Variants in POLR3B observed in about 807,000 individuals in gnomAD.
POLR3B encodes DNA-directed RNA polymerase III subunit RPC2.
Under a neutral mutation model 147.4 loss-of-function variants are expected in POLR3B, and 96 were observed. The ratio of observed to expected loss-of-function variants is 0.65; its 90% CI spans 0.55 to 0.77. The LOEUF is 0.77. Among genes scored for constraint, POLR3B ranks in the 30% least tolerant of loss-of-function variants. The pLI is 0.00. For missense variants in POLR3B, 1,036 were observed against 1,413.5 expected (o/e 0.73, Z 4.28); for synonymous variants, 461 against 485.9 (o/e 0.95, Z 0.67).
In POLR3B at chr12:106,509,585, T is replaced by TA; in HGVS notation, c.*37dup. On this transcript the variant is annotated 3_prime_UTR_variant, in exon 28 of 28. Transcript: ENST00000228347. ...AATGATTATTAAAGAGAACAAGTGA[T>TA]ACATCCAATGCAACGGAAAGCAGAA... 1 of 1,584,364 alleles carries TA rather than the reference T, an allele frequency of 6.3e-7. No homozygotes were observed. The highest frequency in any genetic ancestry group is 8.7e-7 in the Non-Finnish European group (1 of 1,155,068).
At chr12:106,496,300 G>C (rs747416855) in intron 24 of POLR3B, 142 bp downstream of exon 24, 5 of 716,250 alleles carry the variant, frequency 7.0e-6, no homozygotes, top group African/African-American at 1.7e-5. Flanking sequence ...AGATAAACAG[G>C]CTTCCAGCCC....
At chr12:106,489,743 C>G (rs1429000082) in intron 23 of POLR3B, among the ~76,000 whole-genome samples, 2 of 152,118 alleles carry the variant, frequency 1.3e-5, no homozygotes, top group Non-Finnish European at 2.9e-5. Flanking sequence ...TGAAAAGAAC[C>G]TGATTTAAAG....
At chr12:106,416,901 C>T (rs2037311521) in intron 12 of POLR3B, among the ~76,000 whole-genome samples, 1 of 151,716 alleles carries the variant, frequency 6.6e-6, no homozygotes, top group Non-Finnish European at 1.5e-5. Flanking sequence ...TGAGTTATGC[C>T]TTCTACCGAA....
chr12:106,505,401 C>G (rs781243031), intron 27 of POLR3B, among the ~76,000 whole-genome samples: 14 of 152,126 alleles, frequency 9.2e-5, no homozygotes, highest in Non-Finnish European at 1.8e-4. Context: ...GATCCTCTCA[C>G]CTCAGTCCCC....
chr12:106,364,033 A>G (rs2036500491), intron 2 of POLR3B, 131 bp downstream of exon 2: 7 of 694,398 alleles, frequency 1.0e-5, no homozygotes, highest in Middle Eastern at 7.9e-4. Context: ...TGGAAATACA[A>G]GGAATTATAA....
At chr12:106,398,462 C>T (rs547049474) in intron 10 of POLR3B, among the ~76,000 whole-genome samples, 1 of 152,196 alleles carries the variant, frequency 6.6e-6, no homozygotes, top group Admixed American at 6.5e-5. Context: ...AAATGTCCCT[C>T]TCTGACAGCT....
intron 23 of POLR3B, among the ~76,000 whole-genome samples, chr12:106,481,936 G>GGTTT (rs879601188): frequency 1.3e-4 from 19 of 151,968 alleles, no homozygotes; most frequent in Non-Finnish European, 1.6e-4. Flanking sequence ...AGACTTCTTG[G>GGTTT]GTTTGTTTGT....
intron 10 of POLR3B, among the ~76,000 whole-genome samples, chr12:106,401,353 G>T (rs947141550): frequency 2.6e-5 from 4 of 152,100 alleles, no homozygotes; most frequent in African/African-American, 9.7e-5. Context: ...ACTAAAAAAA[G>T]TCCAGGACCA....
Position 106,358,013 on chromosome 12 carries a change from G to A in POLR3B, c.72+62G>A. 5 of 1,590,116 alleles carry A rather than the reference G, an allele frequency of 3.1e-6. No individual in the cohort carries two copies. The South Asian group carries it at 3.4e-5, about 11-fold the overall frequency. ...GATGCGCCCTGAGGGGGCGTTGCCC[G>A]GAGTGCTCGGGCCGCCAAGGGGGCG... On this transcript the variant is annotated intron_variant, in intron 1 of 27. Transcript: ENST00000228347.
chr12:106,483,450 A>G (rs1296051824), intron 23 of POLR3B, among the ~76,000 whole-genome samples: 1 of 152,224 alleles, frequency 6.6e-6, no homozygotes, highest in Non-Finnish European at 1.5e-5. Flanking sequence ...TGAGGAGTTG[A>G]CTGACACCTG....
intron 14 of POLR3B, 141 bp downstream of exon 14, chr12:106,430,614 A>G: frequency 2.8e-6 from 2 of 716,294 alleles, no homozygotes; most frequent in Admixed American, 4.1e-5. Context: ...GCAAATAAAT[A>G]TTGACATGCT....
At chr12:106,458,855 G>A (rs1288546580) in intron 21 of POLR3B, among the ~76,000 whole-genome samples, 2 of 152,140 alleles carry the variant, frequency 1.3e-5, no homozygotes, top group Non-Finnish European at 2.9e-5. Context: ...TTTCCTTGTT[G>A]CCCAAGTTAA....
intron 20 of POLR3B, among the ~76,000 whole-genome samples, chr12:106,456,367 T>G (rs1199558536): frequency 6.6e-6 from 1 of 152,146 alleles, no homozygotes; most frequent in Non-Finnish European, 1.5e-5. Context: ...TTATTTTTCT[T>G]GATGTTTAGA....
At chr12:106,378,963 A>T (rs1302500649) in intron 8 of POLR3B, among the ~76,000 whole-genome samples, 1 of 152,206 alleles carries the variant, frequency 6.6e-6, no homozygotes, top group Admixed American at 6.5e-5. Flanking sequence ...GATTTGTGGC[A>T]TAGATAAGAT....
chr12:106,370,769 T>A (rs900881294), intron 6 of POLR3B, among the ~76,000 whole-genome samples: 1 of 151,914 alleles, frequency 6.6e-6, no homozygotes, highest in African/African-American at 2.4e-5. Flanking sequence ...GTAGCTGGGA[T>A]TATAGGCGTG....
intron 26 of POLR3B, among the ~76,000 whole-genome samples, chr12:106,501,962 A>G (rs565259958): frequency 6.0e-4 from 92 of 152,296 alleles, no homozygotes; most frequent in Non-Finnish European, 9.0e-4. Context: ...CCTCAATCCC[A>G]AGCACAATGT....
intron 11 of POLR3B, 70 bp downstream of exon 11, chr12:106,406,046 A>G: frequency 6.5e-7 from 1 of 1,540,134 alleles, no homozygotes; most frequent in Non-Finnish European, 9.0e-7. Flanking sequence ...AACTGTGATA[A>G]GAGTTTACCT....
intron 15 of POLR3B, 23 bp downstream of exon 15, chr12:106,432,503 T>G (rs769843434): frequency 6.3e-7 from 1 of 1,590,668 alleles, no homozygotes; most frequent in Non-Finnish European, 8.6e-7. Flanking sequence ...TAGAGACATG[T>G]TGGTCCTAGA....
chr12:106,391,740 T>C (rs2036917345), intron 9 of POLR3B, among the ~76,000 whole-genome samples: 1 of 152,366 alleles, frequency 6.6e-6, no homozygotes, highest in East Asian at 1.9e-4. Context: ...CACAAACACC[T>C]CAGATCTCTG....
Sources: gnomAD v4.1 joint callset for allele counts (sites outside exome capture counted in the v4.1 genomes callset) on GRCh38, gnomAD v4.1.1 for gene constraint, MANE v1.5 for transcripts, NCBI Gene and HGNC (gene_info 2026-07-23, HGNC 2026-07-21) for gene names.